MARCHF4: variants seen among roughly 807,000 people sequenced by gnomAD.
MARCHF4 encodes the protein membrane associated ring-CH-type finger 4.
A neutral mutation model predicts 43.9 loss-of-function variants in MARCHF4; 14 were observed. The ratio of observed to expected loss-of-function variants is 0.32; its 90% confidence interval spans 0.21 to 0.50. MARCHF4 has a LOEUF of 0.50. MARCHF4 is among the 20% of genes least tolerant of loss of function. The pLI is 0.98. For synonymous variants in MARCHF4, 226 were observed against 213.3 expected (o/e 1.06, Z -0.52); for missense variants, 468 against 536.7 (o/e 0.87, Z 1.27).
At chr2:216,313,261 T>G (rs1691718809) in intron 1 of MARCHF4, among the ~76,000 whole-genome samples, 1 of 152,186 alleles carries the variant, frequency 6.6e-6, no homozygotes, top group South Asian at 2.1e-4. Context: ...ATTTTTAAAT[T>G]GAATAAATTT....
chr2:216,268,980 G>C (rs1282937011), intron 3 of MARCHF4, among the ~76,000 whole-genome samples: 2 of 152,046 alleles, frequency 1.3e-5, no homozygotes, highest in African/African-American at 4.8e-5. Context: ...CAGGGGCCAG[G>C]CATCTTTAAA....
chr2:216,305,638 C>T (rs1279834302), intron 1 of MARCHF4, among the ~76,000 whole-genome samples: 9 of 152,176 alleles, frequency 5.9e-5, no homozygotes, highest in Non-Finnish European at 8.8e-5. Flanking sequence ...ACTGCCTGAG[C>T]CAAGCCAGCA....
At chr2:216,360,128 C>G (rs1450576035) in intron 1 of MARCHF4, among the ~76,000 whole-genome samples, 1 of 152,150 alleles carries the variant, frequency 6.6e-6, no homozygotes, top group Non-Finnish European at 1.5e-5. Flanking sequence ...CAGCCTGGGA[C>G]TCCATGTATC....
chr2:216,276,679 C>T (rs1691027266), intron 3 of MARCHF4, among the ~76,000 whole-genome samples: 1 of 152,186 alleles, frequency 6.6e-6, no homozygotes, highest in Non-Finnish European at 1.5e-5. Context: ...TTATTTAATA[C>T]AATATACATA....
chr2:216,335,167 C>A (rs928517894), intron 1 of MARCHF4, among the ~76,000 whole-genome samples: 1 of 152,180 alleles, frequency 6.6e-6, no homozygotes, highest in Non-Finnish European at 1.5e-5. Flanking sequence ...GATACAGATT[C>A]GCTATAAATA....
intron 1 of MARCHF4, among the ~76,000 whole-genome samples, chr2:216,353,574 G>A (rs898075380): frequency 6.6e-6 from 1 of 152,128 alleles, no homozygotes; most frequent in African/African-American, 2.4e-5. Context: ...CTGCGATGGA[G>A]TCTTACTCTG....
At chr2:216,300,235 A>G (rs13418842) in intron 1 of MARCHF4, among the ~76,000 whole-genome samples, 87,571 of 151,328 alleles carry the variant, frequency 0.58, 25,640 homozygotes, top group South Asian at 0.67. Context: ...TCTGCTACAC[A>G]ATAAACATGC....
At chr2:216,358,296 A>G (rs997780591) in intron 1 of MARCHF4, among the ~76,000 whole-genome samples, 2 of 152,154 alleles carry the variant, frequency 1.3e-5, no homozygotes, top group African/African-American at 4.8e-5. Flanking sequence ...GTTCTTATCA[A>G]CCTTGCTAAT....
chr2:216,279,146 G>A (rs757066928), intron 2 of MARCHF4, among the ~76,000 whole-genome samples: 3 of 152,172 alleles, frequency 2.0e-5, no homozygotes, highest in Admixed American at 6.5e-5. Flanking sequence ...AGGGGGATTC[G>A]ACTTCCCAGA....
chr2:216,261,288 C>T (rs1690739874), intron 3 of MARCHF4, among the ~76,000 whole-genome samples: 1 of 152,168 alleles, frequency 6.6e-6, no homozygotes, highest in African/African-American at 2.4e-5. Context: ...AAGAATCTGT[C>T]TTCTTGCCTT....
intron 1 of MARCHF4, among the ~76,000 whole-genome samples, chr2:216,361,272 A>C (rs751976049): frequency 6.6e-6 from 1 of 152,208 alleles, no homozygotes; most frequent in African/African-American, 2.4e-5. Context: ...AGATATAATC[A>C]TGAAGCATAA....
Position 216,258,507 on chromosome 2 carries a change from G to GGTGGGTGTGT in MARCHF4, c.*804_*805insACACACCCAC, listed in dbSNP as rs1553590536. 6.9e-6 allele frequency: 1 copy of GGTGGGTGTGT among 145,150 alleles called. No individual in the cohort carries two copies. Among genetic ancestry groups the GGTGGGTGTGT allele is most frequent in the Non-Finnish European group, 1.5e-5 (1 of 66,370 alleles). 9.0% of individuals were successfully genotyped at this position (145,150 alleles called of 1,614,324 possible). The stretch of plus-strand genomic sequence containing the variant: ...CTGGAAATCTGTACTTTTCTCTAGG[G>GGTGGGTGTGT]GTGTGTGTGTGTGTGTGTGTGTGTG... On this transcript the variant is annotated 3_prime_UTR_variant, in exon 4 of 4. Transcript: ENST00000273067.
At chr2:216,277,551 C>A in intron 3 of MARCHF4, 121 bp downstream of exon 3, 1 of 1,051,490 alleles carries the variant, frequency 9.5e-7, no homozygotes, top group South Asian at 1.8e-5. Flanking sequence ...CCTGAGCTCC[C>A]AGTTCTCAAG....
chr2:216,282,137 A>G (rs941003150), intron 2 of MARCHF4, among the ~76,000 whole-genome samples: 2 of 152,040 alleles, frequency 1.3e-5, no homozygotes, highest in African/African-American at 2.4e-5. Context: ...ACACTTTGAG[A>G]TTTTGAAATG....
chr2:216,273,610 A>C (rs923212340), intron 3 of MARCHF4, among the ~76,000 whole-genome samples: 1 of 151,982 alleles, frequency 6.6e-6, no homozygotes, highest in Admixed American at 6.6e-5. Flanking sequence ...CTTCCCATTC[A>C]CATTCTCTTC....
At chr2:216,275,490 A>G (rs889571262) in intron 3 of MARCHF4, among the ~76,000 whole-genome samples, 1 of 152,166 alleles carries the variant, frequency 6.6e-6, no homozygotes, top group African/African-American at 2.4e-5. Flanking sequence ...CAAGACAGCT[A>G]ATGGAATGAG....
chr2:216,277,247 G>A (rs1008029897), intron 3 of MARCHF4, among the ~76,000 whole-genome samples: 2 of 152,112 alleles, frequency 1.3e-5, no homozygotes, highest in African/African-American at 4.8e-5. Flanking sequence ...AGGGAGTGGG[G>A]GCAGATTCAA....
At chr2:216,366,772 C>G (rs1039637528) in intron 1 of MARCHF4, among the ~76,000 whole-genome samples, 1 of 152,142 alleles carries the variant, frequency 6.6e-6, no homozygotes, top group African/African-American at 2.4e-5. Flanking sequence ...AATTTCATCA[C>G]AGAGCTTAAA....
intron 1 of MARCHF4, among the ~76,000 whole-genome samples, chr2:216,333,441 T>C (rs1441542859): frequency 1.3e-5 from 2 of 152,224 alleles, no homozygotes; most frequent in African/African-American, 4.8e-5. Context: ...AAATGAGATG[T>C]CATATGACCG....
Sources: gnomAD v4.1 joint callset for allele counts (sites outside exome capture counted in the v4.1 genomes callset) on GRCh38, gnomAD v4.1.1 for gene constraint, MANE v1.5 for transcripts, NCBI Gene and HGNC (gene_info 2026-07-23, HGNC 2026-07-21) for gene names.